The following LINGO2 variants were observed in gnomAD, a reference collection of about 807,000 sequenced individuals.
LINGO2 encodes the protein leucine rich repeat and Ig domain containing 2.
LINGO2 carries 14 observed loss-of-function variants against 30.6 expected under a neutral mutation model. The ratio of observed to expected loss-of-function variants is 0.46; its 90% CI spans 0.30 to 0.72. The LOEUF is 0.72. LINGO2 is among the 30% of genes least tolerant of loss of function. The pLI, the probability that LINGO2 is intolerant of heterozygous loss-of-function variation, is 0.07. For missense variants in LINGO2, 729 were observed against 751.7 expected (o/e 0.97, Z 0.35); for synonymous variants, 317 against 288.5 (o/e 1.10, Z -1.00).
At chr9:28,900,699 G>A in the LINGO2 span, among the ~76,000 whole-genome samples, 2 of 152,152 alleles carry the variant, frequency 1.3e-5, no homozygotes, top group African/African-American at 4.8e-5. Flanking sequence ...GACAAAGCCA[G>A]TCTGCAAAGA....
the LINGO2 span, among the ~76,000 whole-genome samples, chr9:28,863,867 T>C: frequency 6.6e-6 from 1 of 152,226 alleles, no homozygotes; most frequent in South Asian, 2.1e-4. Flanking sequence ...CACTGAACAT[T>C]TATTTTAAGT....
At chr9:28,347,822 T>A (rs566396308) in intron 3 of LINGO2, among the ~76,000 whole-genome samples, 12 of 152,192 alleles carry the variant, frequency 7.9e-5, no homozygotes, top group Non-Finnish European at 1.3e-4. Context: ...ACACTGACCA[T>A]ATAATTACAA....
chr9:28,652,553 T>C lies in LINGO2; in HGVS notation c.-365+17647A>G, dbSNP rs547525271. On this transcript the variant is annotated intron_variant, in intron 1 of 5. Coordinates refer to ENST00000379992, the Ensembl canonical transcript of LINGO2. ...ATGCTATGTACTTGACAAAGGATTA[T>C]TGTTCCCAAATGATGAAGGGAGAAT... is the stretch of plus-strand genomic sequence containing the variant. Among the ~76,000 whole-genome samples, 26 of 152,150 alleles carry C rather than the reference T, an allele frequency of 1.7e-4. No individual in the cohort carries two copies. In the South Asian group the frequency reaches 5.2e-3, roughly 30 times the overall value.
At chr9:28,111,321 T>C (rs1318335898) in intron 4 of LINGO2, among the ~76,000 whole-genome samples, 4 of 151,804 alleles carry the variant, frequency 2.6e-5, no homozygotes, top group African/African-American at 9.7e-5. Context: ...GATTGATAGG[T>C]GGAGCAAACC....
intron 5 of LINGO2, among the ~76,000 whole-genome samples, chr9:27,994,698 T>A (rs560949714): frequency 2.6e-5 from 4 of 152,114 alleles, no homozygotes; most frequent in Non-Finnish European, 5.9e-5. Flanking sequence ...ATATTCAACA[T>A]TGGCCCACGC....
the LINGO2 span, among the ~76,000 whole-genome samples, chr9:28,857,294 G>A: frequency 5.3e-5 from 8 of 152,102 alleles, no homozygotes; most frequent in African/African-American, 1.9e-4. Context: ...CAAAAGCCAC[G>A]TTACAACAAC....
chr9:28,901,747 A>G, the LINGO2 span, among the ~76,000 whole-genome samples: 33 of 151,936 alleles, frequency 2.2e-4, no homozygotes, highest in Non-Finnish European at 4.4e-4. Context: ...ATACTGCTAG[A>G]GAAAATAATC....
the LINGO2 span, among the ~76,000 whole-genome samples, chr9:29,075,538 G>A: frequency 6.6e-6 from 1 of 152,006 alleles, no homozygotes; most frequent in Admixed American, 6.6e-5. Flanking sequence ...CTTCTTCAAA[G>A]GCATAAATGC....
chr9:29,050,966 G>T, the LINGO2 span, among the ~76,000 whole-genome samples: 42 of 152,088 alleles, frequency 2.8e-4, no homozygotes, highest in African/African-American at 9.7e-4. Context: ...GCCTCAAAAA[G>T]ACAAGTGTTG....
intron 4 of LINGO2, among the ~76,000 whole-genome samples, chr9:28,103,255 C>A (rs1340163204): frequency 6.6e-6 from 1 of 152,020 alleles, no homozygotes; most frequent in African/African-American, 2.4e-5. Flanking sequence ...AAAAATGCAT[C>A]TGTATTTTTA....
chr9:29,158,105 G>A, the LINGO2 span, among the ~76,000 whole-genome samples: 1 of 151,898 alleles, frequency 6.6e-6, no homozygotes, highest in East Asian at 1.9e-4. Context: ...AACTTTGGGA[G>A]GCCAAGGTGG....
At chr9:28,246,427 A>T (rs1012549389) in intron 4 of LINGO2, among the ~76,000 whole-genome samples, 1 of 152,048 alleles carries the variant, frequency 6.6e-6, no homozygotes, top group Non-Finnish European at 1.5e-5. Context: ...ACTCCATCTC[A>T]AAAAAATAAA....
At chr9:28,442,809 C>A (rs891039141) in intron 2 of LINGO2, among the ~76,000 whole-genome samples, 1 of 152,066 alleles carries the variant, frequency 6.6e-6, no homozygotes, top group South Asian at 2.1e-4. Flanking sequence ...AAATTCATGG[C>A]CATTCATTAG....
the LINGO2 span, among the ~76,000 whole-genome samples, chr9:29,106,789 T>C: frequency 2.0e-5 from 3 of 152,184 alleles, no homozygotes; most frequent in Non-Finnish European, 4.4e-5. Context: ...TTCAAATTCT[T>C]CATTGCAAAT....
At chr9:28,307,211 C>A (rs1824403866) in intron 3 of LINGO2, among the ~76,000 whole-genome samples, 2 of 152,278 alleles carry the variant, frequency 1.3e-5, no homozygotes, top group South Asian at 4.2e-4. Context: ...TCCAGCAACA[C>A]ATCAAAAAGC....
At chr9:28,288,279 C>T (rs1049395473) in intron 4 of LINGO2, among the ~76,000 whole-genome samples, 2 of 152,110 alleles carry the variant, frequency 1.3e-5, no homozygotes, top group Admixed American at 1.3e-4. Context: ...TCAAACATAA[C>T]GTTTATTTTT....
At chr9:28,875,392 T>A in the LINGO2 span, among the ~76,000 whole-genome samples, 1,717 of 152,160 alleles carry the variant, frequency 0.011, 14 homozygotes, top group Non-Finnish European at 0.016. Flanking sequence ...AGCATGGTAT[T>A]TCATCCTGAA....
chr9:28,161,672 G>T (rs1828291867), intron 4 of LINGO2, among the ~76,000 whole-genome samples: 1 of 152,004 alleles, frequency 6.6e-6, no homozygotes, highest in African/African-American at 2.4e-5. Context: ...CTAGCATGTT[G>T]TATGTCTTAT....
At chr9:28,510,680 A>ATG (rs1264577651) in intron 1 of LINGO2, among the ~76,000 whole-genome samples, 4 of 29,448 alleles carry the variant, frequency 1.4e-4, no homozygotes, top group Admixed American at 5.6e-4. Flanking sequence ...AACTGTATAT[A>ATG]TATGTGTGTG....
Sources: gnomAD v4.1 joint callset for allele counts (sites outside exome capture counted in the v4.1 genomes callset) on GRCh38, gnomAD v4.1.1 for gene constraint, MANE v1.5 for transcripts, NCBI Gene and HGNC (gene_info 2026-07-23, HGNC 2026-07-21) for gene names.